RGS17: variants seen among roughly 807,000 people sequenced by gnomAD.
The protein encoded by RGS17 is regulator of G protein signaling 17, also known as regulator of G-protein signaling 17.
Under a neutral mutation model 25.5 loss-of-function variants are expected in RGS17, and 12 were observed. That is an observed-to-expected ratio of 0.47 (90% CI 0.30 to 0.76). The LOEUF (loss-of-function observed/expected upper bound fraction) is 0.76, where lower values mean the gene tolerates loss of function less well. Among genes scored for constraint, RGS17 ranks in the 30% least tolerant of loss-of-function variants. RGS17 has a pLI of 0.07. For synonymous variants in RGS17, 71 were observed against 76.9 expected, an observed-to-expected ratio of 0.92 and a Z score of 0.40; for missense variants, 196 against 242.2, an observed-to-expected ratio of 0.81 and a Z score of 1.27.
intron 4 of RGS17, among the ~76,000 whole-genome samples, chr6:153,019,077 G>T (rs1242147021): frequency 6.6e-6 from 1 of 152,144 alleles, no homozygotes; most frequent in Admixed American, 6.5e-5. Context: ...CTCCTACTAC[G>T]ATTACAATTA....
intron 4 of RGS17, among the ~76,000 whole-genome samples, chr6:153,020,111 A>AAAAAATAT (rs1426592195): frequency 1.0e-4 from 6 of 58,458 alleles, no homozygotes; most frequent in East Asian, 1.8e-3. Flanking sequence ...AAAAAAAAAA[A>AAAAAATAT]ATATATATAT....
chr6:153,098,163 A>G (rs1326054995), intron 1 of RGS17, among the ~76,000 whole-genome samples: 2 of 152,318 alleles, frequency 1.3e-5, no homozygotes, highest in Middle Eastern at 3.4e-3. Context: ...AAGGCCTATC[A>G]GCAATTAAAG....
intron 2 of RGS17, among the ~76,000 whole-genome samples, chr6:153,040,699 T>G (rs1776310088): frequency 6.6e-6 from 1 of 152,026 alleles, no homozygotes; most frequent in Non-Finnish European, 1.5e-5. Flanking sequence ...TTCTTTTTCT[T>G]TTTACTTCAG....
chr6:153,029,188 T>C (rs1274139211), intron 2 of RGS17, among the ~76,000 whole-genome samples: 1 of 152,262 alleles, frequency 6.6e-6, no homozygotes, highest in East Asian at 1.9e-4. Flanking sequence ...TGTGCAGCTC[T>C]TGATCTACTA....
In RGS17 at chr6:153,043,903, G is replaced by C. The variant is rs1251045549; in HGVS notation, c.116C>G (p.Ser39Cys). Residue 39 changes from serine (S) to cysteine (C), a missense_variant, in exon 2 of 5, where the codon TCC becomes TGC. By Grantham distance (112) the Ser-to-Cys change is moderately radical. Coordinates refer to ENST00000206262, the MANE Select transcript of RGS17 (RefSeq NM_012419.5). Reference protein sequence around the residue: ...CFCWCCCCSCSCLTVRNEERG... With the variant: ...CFCWCCCCSCCCLTVRNEERG... ...TCCTACAGGTAACATGACATACCAG[G>C]AGCAGCTGCAACAACAGCACCAACA... is the stretch of plus-strand genomic sequence containing the variant. 1 of 1,603,824 alleles carries C rather than the reference G, an allele frequency of 6.2e-7. No homozygotes were observed. Among genetic ancestry groups the C allele is most frequent in the Non-Finnish European group, 8.5e-7 (1 of 1,173,226 alleles).
intron 1 of RGS17, among the ~76,000 whole-genome samples, chr6:153,083,745 A>C (rs1247625865): frequency 6.6e-6 from 1 of 152,226 alleles, no homozygotes; most frequent in East Asian, 1.9e-4. Context: ...TATTTTAACA[A>C]AGAAAAATCT....
intron 1 of RGS17, among the ~76,000 whole-genome samples, chr6:153,125,046 A>C (rs1409559807): frequency 6.6e-6 from 1 of 152,208 alleles, no homozygotes; most frequent in African/African-American, 2.4e-5. Flanking sequence ...ATTATTGGGA[A>C]GATTCAAGAA....
At chr6:153,076,489 TATAGAGTATCTG>T (rs1776881713) in intron 1 of RGS17, among the ~76,000 whole-genome samples, 9 of 152,090 alleles carry the variant, frequency 5.9e-5, no homozygotes, top group African/African-American at 2.2e-4. Flanking sequence ...GATGAACATA[TATAGAGTATCTG>T]GATCCCGGGT....
chr6:153,071,913 G>C (rs1484420580), intron 1 of RGS17, among the ~76,000 whole-genome samples: 1 of 152,106 alleles, frequency 6.6e-6, no homozygotes, highest in African/African-American at 2.4e-5. Flanking sequence ...ATAAAATTGA[G>C]ATATTAATTA....
At chr6:153,114,896 C>T (rs1398604253) in intron 1 of RGS17, among the ~76,000 whole-genome samples, 2 of 152,186 alleles carry the variant, frequency 1.3e-5, no homozygotes, top group African/African-American at 4.8e-5. Context: ...ATGCTAAAAA[C>T]TCTCAATTAA....
At chr6:153,038,064 C>T (rs1284496472) in intron 2 of RGS17, among the ~76,000 whole-genome samples, 1 of 152,172 alleles carries the variant, frequency 6.6e-6, no homozygotes, top group Non-Finnish European at 1.5e-5. Flanking sequence ...ATAGATAGTC[C>T]TCACTGCATT....
chr6:153,124,621 A>G (rs12196712), intron 1 of RGS17, among the ~76,000 whole-genome samples: 16,862 of 152,210 alleles, frequency 0.11, 1,029 homozygotes, highest in East Asian at 0.18. Flanking sequence ...ACAGATAATG[A>G]TACTAAGGCT....
At chr6:153,121,976 T>C (rs1422864903) in intron 1 of RGS17, among the ~76,000 whole-genome samples, 1 of 152,214 alleles carries the variant, frequency 6.6e-6, no homozygotes, top group Non-Finnish European at 1.5e-5. Context: ...AATTACCTTC[T>C]TAAGATTAGG....
At chr6:153,100,010 T>G (rs920415685) in intron 1 of RGS17, among the ~76,000 whole-genome samples, 3 of 152,176 alleles carry the variant, frequency 2.0e-5, no homozygotes, top group African/African-American at 7.2e-5. Context: ...TACATTCTCC[T>G]TGATAGGGCA....
intron 4 of RGS17, among the ~76,000 whole-genome samples, chr6:153,018,810 T>C (rs1406337511): frequency 2.0e-5 from 3 of 152,230 alleles, no homozygotes; most frequent in African/African-American, 7.2e-5. Flanking sequence ...TCAATATTTT[T>C]TGAATGATAA....
chr6:153,061,466 A>C (rs1776637100), intron 1 of RGS17, among the ~76,000 whole-genome samples: 3 of 152,248 alleles, frequency 2.0e-5, no homozygotes, highest in Admixed American at 2.0e-4. Context: ...AATACACGTA[A>C]AGAAGATAAG....
At chr6:153,085,345 C>G (rs551540720) in intron 1 of RGS17, among the ~76,000 whole-genome samples, 1 of 152,194 alleles carries the variant, frequency 6.6e-6, no homozygotes, top group Admixed American at 6.5e-5. Flanking sequence ...GCAGAGAAGA[C>G]CAAGATACAA....
At chr6:153,087,386 T>C (rs1276490753) in intron 1 of RGS17, among the ~76,000 whole-genome samples, 2 of 152,232 alleles carry the variant, frequency 1.3e-5, no homozygotes, top group East Asian at 1.9e-4. Flanking sequence ...TGCTTAATGT[T>C]TGACTATCTA....
At chr6:153,024,219 C>T (rs1334208447) in intron 4 of RGS17, 43 bp downstream of exon 4, 2 of 1,362,234 alleles carry the variant, frequency 1.5e-6, no homozygotes, top group Non-Finnish European at 2.1e-6. Flanking sequence ...GACGGTTATC[C>T]TTGGTCTTAG....
Sources: gnomAD v4.1 joint callset for allele counts (sites outside exome capture counted in the v4.1 genomes callset) on GRCh38, gnomAD v4.1.1 for gene constraint, MANE v1.5 for transcripts, NCBI Gene and HGNC (gene_info 2026-07-23, HGNC 2026-07-21) for gene names.